Variants in KIF6 observed in about 807,000 individuals in gnomAD.
KIF6 encodes kinesin family member 6, also known as kinesin-like protein KIF6.
Under a neutral mutation model 112.7 loss-of-function variants are expected in KIF6, and 106 were observed. The observed-to-expected ratio is 0.94, with a 90% CI of 0.80 to 1.11. The LOEUF is 1.11. KIF6 is among the 50% of genes least tolerant of loss of function. The probability of loss-of-function intolerance (pLI) is 0.00; values close to 1 mark genes in which losing one functional copy is unlikely to be tolerated. For synonymous variants in KIF6, 339 were observed against 339.9 expected (o/e 1.00, Z 0.03); for missense variants, 929 against 964.0 (o/e 0.96, Z 0.48).
At chr6:39,404,491 CT>C (rs1319439055) in intron 15 of KIF6, among the ~76,000 whole-genome samples, 1 of 152,188 alleles carries the variant, frequency 6.6e-6, no homozygotes, top group Non-Finnish European at 1.5e-5. Context: ...AGGTGTGGGT[CT>C]GTTTTTGGAC....
At chr6:39,529,473 A>G (rs1459612834) in intron 13 of KIF6, among the ~76,000 whole-genome samples, 1 of 152,164 alleles carries the variant, frequency 6.6e-6, no homozygotes, top group Non-Finnish European at 1.5e-5. Context: ...ACAGAAAGAA[A>G]ACCAATAATT....
intron 13 of KIF6, among the ~76,000 whole-genome samples, chr6:39,515,923 T>G (rs902810750): frequency 2.6e-5 from 4 of 152,152 alleles, no homozygotes; most frequent in African/African-American, 9.7e-5. Context: ...ATATTGAGTG[T>G]AGGAAAAAAA....
intron 3 of KIF6, chr6:39,690,061 T>C (rs771718598): frequency 1.1e-4 from 16 of 152,248 alleles, no homozygotes; most frequent in Non-Finnish European, 1.3e-4. Context: ...ATTTGCTAAA[T>C]AGGGAAAAGT....
intron 6 of KIF6, among the ~76,000 whole-genome samples, chr6:39,597,665 A>G (rs573653944): frequency 1.7e-4 from 26 of 152,364 alleles, no homozygotes; most frequent in African/African-American, 5.3e-4. Context: ...CAACTTTAGC[A>G]CCAATACCAT....
At chr6:39,583,434 AT>A (rs1408245371) in intron 9 of KIF6, 1 of 471,454 alleles carries the variant, frequency 2.1e-6, no homozygotes, top group Non-Finnish European at 4.4e-6. Flanking sequence ...TGCCTCACTC[AT>A]TGGTTTCTGC....
At chr6:39,622,992 A>G (rs1276865343) in intron 5 of KIF6, among the ~76,000 whole-genome samples, 1 of 152,174 alleles carries the variant, frequency 6.6e-6, no homozygotes, top group Non-Finnish European at 1.5e-5. Context: ...CAAGGAACAG[A>G]CTATTTGGTT....
At chr6:39,671,035 A>G (rs1786787080) in intron 3 of KIF6, among the ~76,000 whole-genome samples, 1 of 152,242 alleles carries the variant, frequency 6.6e-6, no homozygotes, top group South Asian at 2.1e-4. Flanking sequence ...AAGCACTTTG[A>G]TAATTACTGT....
rs889000482 is a variant in KIF6, at chr6:39,422,324, G to A, written c.1755-2321C>T. ...TCTGGGGGGCCTGGCAGAGGGAGCCGCTGAGTGCTGTGGTCAACTCTCTCC... is the reference window on the plus strand; with the variant it reads ...TCTGGGGGGCCTGGCAGAGGGAGCCACTGAGTGCTGTGGTCAACTCTCTCC... On this transcript the variant is annotated intron_variant, in intron 14 of 22. Transcript: ENST00000287152. Among the ~76,000 whole-genome samples, 20 of 152,278 alleles carry A rather than the reference G, an allele frequency of 1.3e-4. 1 individual carries two copies. The highest frequency in any genetic ancestry group is 1.0e-3 in the South Asian group (5 of 4,818).
chr6:39,695,967 TA>T (rs1321243137), intron 3 of KIF6, among the ~76,000 whole-genome samples: 1 of 152,040 alleles, frequency 6.6e-6, no homozygotes, highest in South Asian at 2.1e-4. Context: ...CACACAGCCA[TA>T]AAAAAGAATG....
intron 13 of KIF6, among the ~76,000 whole-genome samples, chr6:39,450,895 TTAAGA>T (rs1256711102): frequency 1.3e-5 from 2 of 152,238 alleles, no homozygotes; most frequent in African/African-American, 4.8e-5. Flanking sequence ...TACTACATAG[TTAAGA>T]TGATACTATA....
chr6:39,550,573 G>T (rs1018943597), intron 10 of KIF6, among the ~76,000 whole-genome samples: 2 of 152,202 alleles, frequency 1.3e-5, no homozygotes, highest in African/African-American at 4.8e-5. Context: ...TACCCCAGTT[G>T]GTGGGGCAGA....
At chr6:39,408,250 G>C in intron 15 of KIF6, among the ~76,000 whole-genome samples, 1 of 152,196 alleles carries the variant, frequency 6.6e-6, no homozygotes, top group East Asian at 1.9e-4. Flanking sequence ...GCAGGGAAAT[G>C]AGTACTGTCA....
chr6:39,570,841 A>T (rs904183014), intron 10 of KIF6, among the ~76,000 whole-genome samples: 1 of 152,202 alleles, frequency 6.6e-6, no homozygotes, highest in Non-Finnish European at 1.5e-5. Flanking sequence ...AGCCATGCTA[A>T]ACTGTGAGTC....
At chr6:39,442,777 G>A (rs1366627673) in intron 13 of KIF6, among the ~76,000 whole-genome samples, 1 of 152,152 alleles carries the variant, frequency 6.6e-6, no homozygotes. Flanking sequence ...TTGACTGACA[G>A]CTCCCTGAAC....
chr6:39,419,866 G>A, intron 15 of KIF6, 82 bp downstream of exon 15: 2 of 1,197,822 alleles, frequency 1.7e-6, no homozygotes, highest in East Asian at 2.3e-5. Context: ...GGGGCTTCAT[G>A]GCCATTTGGA....
intron 16 of KIF6, among the ~76,000 whole-genome samples, chr6:39,372,222 G>A (rs1021655989): frequency 3.4e-5 from 5 of 148,690 alleles, no homozygotes; most frequent in Admixed American, 3.3e-4. Context: ...TCCATCCAGG[G>A]GCAGAGGAAG....
intron 13 of KIF6, among the ~76,000 whole-genome samples, chr6:39,492,273 T>C (rs1387782251): frequency 2.6e-5 from 4 of 152,238 alleles, no homozygotes; most frequent in African/African-American, 9.6e-5. Context: ...AGGACTTATC[T>C]TGAAGAGATG....
At chr6:39,617,385 C>T (rs959584304) in intron 5 of KIF6, among the ~76,000 whole-genome samples, 4 of 152,132 alleles carry the variant, frequency 2.6e-5, no homozygotes, top group Admixed American at 1.3e-4. Flanking sequence ...AATCCTCCAC[C>T]CCACACCCTA....
chr6:39,526,390 C>T (rs1777730258), intron 13 of KIF6, among the ~76,000 whole-genome samples: 2 of 152,152 alleles, frequency 1.3e-5, no homozygotes, highest in Non-Finnish European at 1.5e-5. Context: ...CTATCCAGTC[C>T]CTTTTCTTGT....
Sources: allele counts gnomAD v4.1 joint callset (sites outside exome capture counted in the v4.1 genomes callset), GRCh38; gene constraint gnomAD v4.1.1; transcripts MANE v1.5; gene names NCBI Gene and HGNC (gene_info 2026-07-23, HGNC 2026-07-21).